The following MYRF variants were observed in gnomAD, a reference collection of about 807,000 sequenced individuals.
MYRF encodes the protein myelin gene regulatory factor.
Under a neutral mutation model 126.3 loss-of-function variants are expected in MYRF, and 16 were observed. The ratio of observed to expected loss-of-function variants is 0.13; its 90% CI spans 0.09 to 0.19. The LOEUF (loss-of-function observed/expected upper bound fraction) is 0.19, where lower values mean the gene tolerates loss of function less well. Ranked by LOEUF, MYRF falls within the 10% of genes least tolerant of loss-of-function variation. The pLI, the probability that MYRF is intolerant of heterozygous loss-of-function variation, is 1.00. For missense variants in MYRF, 1,104 were observed against 1,547.0 expected (o/e 0.71, Z 4.80); for synonymous variants, 608 against 635.3 (o/e 0.96, Z 0.65).
rs2066290258 is a variant in MYRF, at chr11:61,773,756, G to C, written c.1116-211G>C. ...GTGGCCTAAGGCATGGGGTATAGGA[G>C]AGAATGTTGTCTGAGGAGTTTGCAG... On this transcript the variant is annotated intron_variant, in intron 7 of 26. Transcript: ENST00000278836. Among the ~76,000 whole-genome samples the C allele has an allele frequency of 4.6e-5, 7 of 152,218 alleles. No individual in the cohort carries two copies. In the South Asian group the frequency reaches 1.4e-3, roughly 31 times the overall value.
chr11:61,756,808 G>A (rs1453330396), intron 1 of MYRF, among the ~76,000 whole-genome samples: 1 of 152,048 alleles, frequency 6.6e-6, no homozygotes. Flanking sequence ...TGGAAGGCTG[G>A]ACAGAGTGCT....
At chr11:61,755,199 C>T (rs552006099) in intron 1 of MYRF, among the ~76,000 whole-genome samples, 1 of 152,184 alleles carries the variant, frequency 6.6e-6, no homozygotes, top group African/African-American at 2.4e-5. Flanking sequence ...ACGTGGTCCC[C>T]CTCCCTGGGC....
rs1430824052 is a variant in MYRF at position 61,784,267 on chromosome 11, G to A, written c.3195-13G>A. ...TAGAACCTCATTTCTCTGCTAACTG[G>A]GCCTGTCTACAGCTCCTCCTCCCCC... On this transcript the variant is annotated splice_polypyrimidine_tract_variant and intron_variant, in intron 24 of 26. Coordinates refer to ENST00000278836, the MANE Select transcript of MYRF (RefSeq NM_001127392.3). 1 of 1,612,530 alleles carries A rather than the reference G, an allele frequency of 6.2e-7. No homozygotes were observed. The highest frequency in any genetic ancestry group is 1.7e-5 in the Admixed American group (1 of 59,924).
At chr11:61,785,554 G>A (rs2066673080) in intron 25 of MYRF, 1 of 564,590 alleles carries the variant, frequency 1.8e-6, no homozygotes, top group Non-Finnish European at 3.2e-6. Flanking sequence ...AACAGGACTG[G>A]GAAGGAGGCA....
chr11:61,774,193 G>A, intron 8 of MYRF, 31 bp downstream of exon 8: 1 of 1,571,530 alleles, frequency 6.4e-7, no homozygotes, highest in Non-Finnish European at 8.7e-7. Flanking sequence ...GGAAGGGAGG[G>A]CAGGAGGGCC....
In MYRF at chr11:61,778,558, C is replaced by T. The variant is rs2066449987; in HGVS notation, c.2013+69C>T. 2.7e-6 allele frequency: 3 copies of T among 1,117,918 alleles called. No individual in the cohort carries two copies. The highest frequency in any genetic ancestry group is 3.1e-5 in the African/African-American group (2 of 65,440). 69.2% of individuals were successfully genotyped at this position (1,117,918 alleles called of 1,614,324 possible). ...GAGCCAGCTGGGGAACACTCATCAC[C>T]TCCATAGATACTGGGGGCACTGCAA... On this transcript the variant is annotated intron_variant, in intron 14 of 26. Transcript: ENST00000278836. The surrounding 1 kb of genome is among the most constrained non-coding windows in gnomAD (Gnocchi z 4.6).
chr11:61,771,591 G>A lies in MYRF; in HGVS notation c.832G>A (p.Glu278Lys). ...GATGCTGAATGGAATGATCAAACAG[G>A]AGCCTGGGACCGTGACAGCCCTGCC... ...AQMLNGMIKQ[E>K]PGTVTALPLH... is the part of the protein sequence containing the mutation. Residue 278 changes from glutamate to lysine, a missense_variant, in exon 6 of 27, where the codon GAG (glutamate) becomes AAG (lysine). Around this residue, in one of 10 missense-constraint regions of MYRF, gnomAD observed 368 missense variants for 403.9 expected, o/e 0.91. Coordinates refer to ENST00000278836, the MANE Select transcript of MYRF (RefSeq NM_001127392.3). The A allele has an allele frequency of 6.2e-7, 1 of 1,613,978 alleles. No individual in the cohort carries two copies. Among genetic ancestry groups the A allele is most frequent in the South Asian group, 1.1e-5 (1 of 91,076 alleles).
intron 8 of MYRF, 130 bp downstream of exon 8, chr11:61,774,292 G>T: frequency 1.2e-6 from 1 of 827,888 alleles, no homozygotes; most frequent in Non-Finnish European, 1.8e-6. Flanking sequence ...TGGGAGTCAG[G>T]CAGATCACTT....
At chr11:61,765,338 A>G (rs2066024660) in intron 1 of MYRF, among the ~76,000 whole-genome samples, 1 of 152,190 alleles carries the variant, frequency 6.6e-6, no homozygotes, top group Non-Finnish European at 1.5e-5. Flanking sequence ...AGAAAGAGGC[A>G]TGGCAGGATC....
intron 8 of MYRF, among the ~76,000 whole-genome samples, chr11:61,775,635 C>T (rs553701938): frequency 1.5e-4 from 23 of 151,938 alleles, no homozygotes; most frequent in African/African-American, 5.6e-4. Context: ...GTGAGTGGGC[C>T]TAGGTGCAAG....
At position 61,785,904 on chromosome 11, in the gene MYRF, G is replaced by A. The variant is rs374212393; in HGVS notation, c.3375+30G>A. 797 of 1,609,356 alleles carry A rather than the reference G, an allele frequency of 5.0e-4. 4 individuals carry two copies. The highest frequency in any genetic ancestry group is 9.1e-4 in the South Asian group (83 of 90,996). Reference sequence around the variant, plus strand: ...GCAGGGGCATCCCACCTACCCTGGAGGTCTGGGCACCCCTGTCTGCGACGT... The same window carrying A: ...GCAGGGGCATCCCACCTACCCTGGAAGTCTGGGCACCCCTGTCTGCGACGT... On this transcript the variant is annotated intron_variant, in intron 26 of 26. Coordinates refer to ENST00000278836, the MANE Select transcript of MYRF (RefSeq NM_001127392.3).
intron 22 of MYRF, 60 bp downstream of exon 22, chr11:61,781,884 C>G (rs750333404): frequency 3.4e-4 from 501 of 1,467,662 alleles, no homozygotes; most frequent in Non-Finnish European, 3.0e-4. Context: ...TGGCCAGGGC[C>G]CACCTCAGCC....
Position 61,779,920 on chromosome 11 carries a change from A to G in MYRF, c.2326A>G (p.Met776Val), listed in dbSNP as rs1273810952. The G allele has an allele frequency of 6.2e-7, 1 of 1,613,798 alleles. No homozygotes were observed. The highest frequency in any genetic ancestry group is 8.5e-7 in the Non-Finnish European group (1 of 1,179,902). ...QGTIIALVVV[M>V]AFSVVSMSTL... The stretch of plus-strand genomic sequence containing the variant: ...AACCATCATTGCCCTGGTGGTGGTC[A>G]TGGCCTTCAGGTGACTTGTCCCCTG... Residue 776 changes from methionine to valine, a missense_variant, in exon 17 of 27, where the codon ATG (methionine) becomes GTG (valine). Met to Val is a conservative substitution (Grantham distance 21). Coordinates refer to ENST00000278836, the MANE Select transcript of MYRF (RefSeq NM_001127392.3).
rs1480858179 is a variant in MYRF, at chr11:61,779,364, G to A, written c.2115G>A (p.Lys705=). ...RIDELERWSH[K]LAKLRRLDSL... The stretch of plus-strand genomic sequence containing the variant: ...ATGAGCTGGAGCGCTGGAGCCACAA[G>A]CTGGCCAAGCTGCGGCGGCTCGACA... Residue 705 remains lysine (K), a synonymous_variant, in exon 15 of 27, where the codon AAG becomes AAA. Coordinates refer to ENST00000278836, the MANE Select transcript of MYRF (RefSeq NM_001127392.3). 3.2e-6 allele frequency: 5 copies of A among 1,551,336 alleles called. No individual in the cohort carries two copies. In the East Asian group the frequency reaches 1.2e-4, roughly 38 times the overall value.
intron 2 of MYRF, 86 bp downstream of exon 2, chr11:61,765,798 C>A: frequency 1.4e-6 from 2 of 1,460,962 alleles, no homozygotes; most frequent in Non-Finnish European, 1.9e-6. Context: ...GAGGGCCGGA[C>A]CTGGGGTCTG....
chr11:61,781,407 A>G, intron 21 of MYRF, 78 bp downstream of exon 21: 1 of 1,567,098 alleles, frequency 6.4e-7, no homozygotes, highest in South Asian at 1.2e-5. Flanking sequence ...CATTGGTGGG[A>G]GGGTCTCCTG....
Position 61,765,932 on chromosome 11 carries a change from A to G in MYRF, c.135-26A>G, listed in dbSNP as rs1053940575. Reference sequence around the variant, plus strand: ...CTGCTGGGGCTGGGGTCCTGGCTGGAGCTGAGCCGCCCCCCTTCCCCGCAG... The same window carrying G: ...CTGCTGGGGCTGGGGTCCTGGCTGGGGCTGAGCCGCCCCCCTTCCCCGCAG... On this transcript the variant is annotated intron_variant, in intron 2 of 26. Coordinates refer to ENST00000278836, the MANE Select transcript of MYRF (RefSeq NM_001127392.3). The G allele has an allele frequency of 2.2e-5, 33 of 1,478,786 alleles. No homozygotes were observed. The Admixed American group carries it at 6.0e-4, about 27-fold the overall frequency. The allele number at this position is 1,478,786 out of a possible 1,614,324, so 91.6% of individuals were successfully genotyped here. A position where few individuals can be genotyped will look rare whatever the true frequency, so the allele number is the denominator to read the frequency against.
In MYRF at chr11:61,771,548, C is replaced by G. The variant is rs149803; in HGVS notation, c.789C>G (p.Pro263=). ...SKKRKHSESP[P]STLNAQMLNG... ...AGAGGAAGCACTCTGAATCCCCCCC[C>G]AGCACCCTCAATGCCCAGATGCTGA... The change falls in exon 6 of 27, where the codon CCC becomes CCG. Residue 263 remains proline, a synonymous_variant. Transcript: ENST00000278836. The G allele has an allele frequency of 0.22, 358,693 of 1,613,810 alleles. 45,266 individuals are homozygous for G. The highest frequency in any genetic ancestry group is 0.34 in the Middle Eastern group (2,084 of 6,058).
In MYRF at chr11:61,786,119, C is replaced by T; in HGVS notation, c.3432C>T (p.Phe1144=). Reference sequence around the variant, plus strand: ...CCCAGCCAGCCACAGACTACCACTTCCACTTCTACCGCCTGTGTGACTGAG... The same window carrying T: ...CCCAGCCAGCCACAGACTACCACTTTCACTTCTACCGCCTGTGTGACTGAG... ...ALAQPATDYH[F]HFYRLCD Residue 1144 remains phenylalanine, a synonymous_variant, in exon 27 of 27, where the codon TTC becomes TTT. Coordinates refer to ENST00000278836, the MANE Select transcript of MYRF (RefSeq NM_001127392.3). The surrounding 1 kb of genome is among the most constrained non-coding windows in gnomAD (Gnocchi z 4.5). 6.2e-7 allele frequency: 1 copy of T among 1,614,240 alleles called. No individual in the cohort carries two copies.
Sources: gnomAD v4.1 joint callset for allele counts (sites outside exome capture counted in the v4.1 genomes callset) on GRCh38, gnomAD v4.1.1 for gene constraint, gnomAD v4.1.1 regional missense constraint, Gnocchi (gnomAD v3.1) non-coding constraint, MANE v1.5 for transcripts, NCBI Gene and HGNC (gene_info 2026-07-23, HGNC 2026-07-21) for gene names.